COBL: variants seen among roughly 807,000 people sequenced by gnomAD.
COBL encodes the protein cordon-bleu WH2 repeat protein.
COBL carries 51 observed loss-of-function variants against 98.8 expected under a neutral mutation model. That is an observed-to-expected ratio of 0.52 (90% confidence interval 0.41 to 0.65). COBL has a LOEUF of 0.65. COBL is among the 30% of genes least tolerant of loss of function. The probability of loss-of-function intolerance (pLI) is 0.00; values close to 1 mark genes in which losing one functional copy is unlikely to be tolerated. For missense variants in COBL, 1,617 were observed against 1,617.5 expected (o/e 1.00, Z 0.01); for synonymous variants, 634 against 651.7 (o/e 0.97, Z 0.41).
intron 6 of COBL, among the ~76,000 whole-genome samples, chr7:51,093,655 G>A (rs1384406559): frequency 6.6e-6 from 1 of 152,184 alleles, no homozygotes; most frequent in Non-Finnish European, 1.5e-5. Context: ...ACTTTGGGAG[G>A]TTGAGCAGGG....
chr7:51,088,530 T>C (rs1794504215), intron 6 of COBL, among the ~76,000 whole-genome samples: 1 of 152,236 alleles, frequency 6.6e-6, no homozygotes, highest in South Asian at 2.1e-4. Flanking sequence ...CTTTATGCTT[T>C]ATATCTTTTT....
At chr7:51,207,791 T>A (rs1245774893) in intron 2 of COBL, among the ~76,000 whole-genome samples, 2 of 152,186 alleles carry the variant, frequency 1.3e-5, no homozygotes, top group Non-Finnish European at 1.5e-5. Flanking sequence ...AACCTCCACC[T>A]CCCAGCCGCC....
intron 8 of COBL, among the ~76,000 whole-genome samples, chr7:51,041,353 C>G (rs1789171190): frequency 6.6e-6 from 1 of 151,732 alleles, no homozygotes; most frequent in Non-Finnish European, 1.5e-5. Context: ...TAACCAGATA[C>G]AGATTTGTGA....
chr7:51,138,109 T>C (rs1799406892), intron 5 of COBL, among the ~76,000 whole-genome samples: 3 of 152,200 alleles, frequency 2.0e-5, no homozygotes, highest in Admixed American at 2.0e-4. Context: ...AGTGCTTCCC[T>C]GCAGACACTG....
intron 6 of COBL, among the ~76,000 whole-genome samples, chr7:51,126,622 G>A (rs553013870): frequency 1.3e-5 from 2 of 152,220 alleles, no homozygotes; most frequent in South Asian, 4.1e-4. Flanking sequence ...CTGGACGTGG[G>A]ACTCCTCTCA....
intron 5 of COBL, among the ~76,000 whole-genome samples, chr7:51,155,250 A>G (rs1786003167): frequency 6.6e-6 from 1 of 152,124 alleles, no homozygotes; most frequent in African/African-American, 2.4e-5. Flanking sequence ...GACATAAAAT[A>G]TGCAATATTT....
intron 1 of COBL, among the ~76,000 whole-genome samples, chr7:51,224,498 G>A (rs1362797068): frequency 1.3e-5 from 2 of 151,702 alleles, no homozygotes; most frequent in East Asian, 3.9e-4. Flanking sequence ...TTAAAGATGA[G>A]CAGAAATTTC....
rs373655109 is a variant in COBL, at chr7:51,190,825, T to G, written c.685+25A>C. ...GCGCATCCGTGTGATTATGGGCAGG[T>G]GCGTGAGACGCAGCGGGGCCTCACC... On this transcript the variant is annotated intron_variant, in intron 4 of 12. Coordinates refer to ENST00000265136, the MANE Select transcript of COBL (RefSeq NM_015198.5). 3.8e-6 allele frequency: 6 copies of G among 1,590,754 alleles called. No homozygotes were observed. The African/African-American group carries it at 6.7e-5, about 18-fold the overall frequency.
chr7:51,118,142 C>T (rs1284220744), intron 6 of COBL, among the ~76,000 whole-genome samples: 1 of 152,176 alleles, frequency 6.6e-6, no homozygotes, highest in African/African-American at 2.4e-5. Context: ...AACAAATGGG[C>T]ACCACAAGTT....
intron 1 of COBL, among the ~76,000 whole-genome samples, chr7:51,231,423 C>T (rs1326773474): frequency 6.6e-6 from 1 of 152,210 alleles, no homozygotes; most frequent in Non-Finnish European, 1.5e-5. Context: ...CTCTACCAAA[C>T]CAAGCAGGGG....
intron 5 of COBL, among the ~76,000 whole-genome samples, chr7:51,181,998 C>T (rs1028255284): frequency 6.6e-6 from 1 of 152,200 alleles, no homozygotes; most frequent in Non-Finnish European, 1.5e-5. Flanking sequence ...TTTAGGTGAC[C>T]TTACTTTGCT....
chr7:51,131,639 GCTAGAGTGCAGTGGCACGAT>G (rs1269064620), intron 6 of COBL, among the ~76,000 whole-genome samples: 94 of 151,208 alleles, frequency 6.2e-4, no homozygotes, highest in African/African-American at 2.2e-3. Flanking sequence ...TTTCGCCCAG[GCTAGAGTGCAGTGGCACGAT>G]CTCGGCCCAC....
At chr7:51,289,950 G>A (rs901602689) in intron 1 of COBL, among the ~76,000 whole-genome samples, 3 of 152,148 alleles carry the variant, frequency 2.0e-5, no homozygotes, top group African/African-American at 7.2e-5. Flanking sequence ...GGTTTCCTGT[G>A]TCTATTTTTG....
chr7:51,088,617 C>T (rs2128945877), intron 6 of COBL, among the ~76,000 whole-genome samples: 1 of 152,298 alleles, frequency 6.6e-6, no homozygotes, highest in Non-Finnish European at 1.5e-5. Context: ...TGCTCTCTGT[C>T]TTGGCCTCTG....
At chr7:51,273,672 T>C (rs2129167504) in intron 1 of COBL, among the ~76,000 whole-genome samples, 1 of 152,316 alleles carries the variant, frequency 6.6e-6, no homozygotes, top group South Asian at 2.1e-4. Context: ...TTATAGCAGC[T>C]GGATCTATCT....
chr7:51,230,040 G>C (rs1478450853), intron 1 of COBL, among the ~76,000 whole-genome samples: 1 of 152,128 alleles, frequency 6.6e-6, no homozygotes, highest in Non-Finnish European at 1.5e-5. Flanking sequence ...CCGTGTCCCT[G>C]ACTGGCAGAC....
intron 5 of COBL, among the ~76,000 whole-genome samples, chr7:51,152,170 C>G (rs10250197): frequency 0.071 from 10,767 of 152,260 alleles, 427 homozygotes; most frequent in Middle Eastern, 0.12. Context: ...ACTCTGGCTA[C>G]GCACAAGGGA....
At chr7:51,253,328 C>A (rs1205133270) in intron 1 of COBL, among the ~76,000 whole-genome samples, 1 of 152,186 alleles carries the variant, frequency 6.6e-6, no homozygotes, top group Non-Finnish European at 1.5e-5. Context: ...TAATATATTA[C>A]AATCTATTAA....
intron 1 of COBL, among the ~76,000 whole-genome samples, chr7:51,280,197 C>T (rs558853708): frequency 1.0e-3 from 158 of 152,118 alleles, no homozygotes; most frequent in African/African-American, 3.7e-3. Flanking sequence ...ATCCTGGATT[C>T]AATGCAGCCT....
Sources: allele counts gnomAD v4.1 joint callset (sites outside exome capture counted in the v4.1 genomes callset), GRCh38; gene constraint gnomAD v4.1.1; transcripts MANE v1.5; gene names NCBI Gene and HGNC (gene_info 2026-07-23, HGNC 2026-07-21).